Variants in MARCHF3 observed in about 807,000 individuals in gnomAD.
MARCHF3 encodes E3 ubiquitin-protein ligase MARCHF3.
Under a neutral mutation model 24.2 loss-of-function variants are expected in MARCHF3, and 13 were observed. The observed-to-expected ratio is 0.54, with a 90% CI of 0.35 to 0.85. The LOEUF is 0.85. Among genes scored for constraint, MARCHF3 ranks in the 40% least tolerant of loss-of-function variants. The pLI, the probability that MARCHF3 is intolerant of heterozygous loss-of-function variation, is 0.01. For synonymous variants in MARCHF3, 144 were observed against 137.3 expected, an observed-to-expected ratio of 1.05 and a Z score of -0.34; for missense variants, 276 against 325.0, an observed-to-expected ratio of 0.85 and a Z score of 1.16.
intron 2 of MARCHF3, 130 bp from the exon 3 acceptor site, chr5:126,915,264 G>A: frequency 1.2e-6 from 1 of 830,086 alleles, no homozygotes; most frequent in Non-Finnish European, 1.9e-6. Context: ...ATCTACACTT[G>A]ACCTTGGCAA....
At chr5:126,945,215 T>C (rs1749970073) in intron 1 of MARCHF3, among the ~76,000 whole-genome samples, 1 of 152,202 alleles carries the variant, frequency 6.6e-6, no homozygotes, top group South Asian at 2.1e-4. Context: ...TTGGCAATAG[T>C]GGGAGTATTT....
At chr5:126,909,429 C>T (rs1345562091) in intron 3 of MARCHF3, among the ~76,000 whole-genome samples, 2 of 152,222 alleles carry the variant, frequency 1.3e-5, no homozygotes, top group African/African-American at 4.8e-5. Context: ...CTCGCTGTCG[C>T]CTTGCAGTTT....
chr5:126,915,221 C>G (rs1561424417), intron 2 of MARCHF3, 87 bp from the exon 3 acceptor site: 3 of 1,324,214 alleles, frequency 2.3e-6, no homozygotes, highest in Non-Finnish European at 3.2e-6. Context: ...CCTTTGGGCC[C>G]TCCCCAGAGG....
chr5:126,939,643 T>A lies in MARCHF3; in HGVS notation c.-56-21416A>T, dbSNP rs578126666. On this transcript the variant is annotated intron_variant, in intron 1 of 4. Transcript: ENST00000308660. ...TTAAACCCTGAATCTAAGACTTGAA[T>A]AGAAAGGAAATTTAAACAGAGTCAG... 2.0e-5 allele frequency among the ~76,000 whole-genome samples: 3 copies of A among 152,248 alleles called. No individual in the cohort carries two copies. The South Asian group carries it at 6.2e-4, about 31-fold the overall frequency.
intron 1 of MARCHF3, among the ~76,000 whole-genome samples, chr5:126,970,971 T>C (rs564740832): frequency 1.3e-5 from 2 of 152,312 alleles, no homozygotes; most frequent in South Asian, 4.1e-4. Flanking sequence ...ATGAGGACTC[T>C]GCTTGTTTGG....
chr5:126,948,640 C>T (rs747326681), intron 1 of MARCHF3, among the ~76,000 whole-genome samples: 1 of 152,106 alleles, frequency 6.6e-6, no homozygotes, highest in South Asian at 2.1e-4. Context: ...GTCTTAGGGG[C>T]GTATTTCTTA....
intron 1 of MARCHF3, among the ~76,000 whole-genome samples, chr5:127,027,629 C>A (rs1404704795): frequency 6.6e-6 from 1 of 152,062 alleles, no homozygotes; most frequent in African/African-American, 2.4e-5. Flanking sequence ...GAATCAGGGC[C>A]AACCTGGAAT....
At chr5:127,005,638 T>G (rs1357980655) in intron 1 of MARCHF3, among the ~76,000 whole-genome samples, 1 of 152,060 alleles carries the variant, frequency 6.6e-6, no homozygotes, top group African/African-American at 2.4e-5. Context: ...GAGAAGTGAG[T>G]ATATATCTTT....
intron 1 of MARCHF3, among the ~76,000 whole-genome samples, chr5:126,986,399 T>A (rs1442125828): frequency 6.6e-6 from 1 of 152,224 alleles, no homozygotes; most frequent in African/African-American, 2.4e-5. Flanking sequence ...TGTAAGCAAT[T>A]TTTTGAGCAT....
chr5:126,892,157 G>A (rs1271914036), intron 3 of MARCHF3, among the ~76,000 whole-genome samples: 5 of 147,822 alleles, frequency 3.4e-5, no homozygotes, highest in African/African-American at 1.2e-4. Context: ...AGACTTTGCT[G>A]AAGTTGCTTA....
intron 1 of MARCHF3, among the ~76,000 whole-genome samples, chr5:127,005,450 G>T (rs1752279547): frequency 6.6e-6 from 1 of 152,014 alleles, no homozygotes; most frequent in African/African-American, 2.4e-5. Flanking sequence ...AGTTTTGATT[G>T]AAAGATCAGA....
At chr5:126,918,914 T>C (rs1187662414) in intron 1 of MARCHF3, among the ~76,000 whole-genome samples, 1 of 152,238 alleles carries the variant, frequency 6.6e-6, no homozygotes, top group Non-Finnish European at 1.5e-5. Context: ...GAAATGAGTT[T>C]AATGAGCTTT....
chr5:126,910,073 C>G (rs1036827260), intron 3 of MARCHF3, among the ~76,000 whole-genome samples: 4 of 152,292 alleles, frequency 2.6e-5, no homozygotes, highest in South Asian at 4.1e-4. Context: ...AATACGGAAA[C>G]TTAATCACTT....
rs55887767 is a variant in MARCHF3, at chr5:126,932,594, C to A, written c.-56-14367G>T. ...GGGTAAGTAAGACTGAGGACACATA[C>A]GAAGGCACAGTGGGAACCTAAGGAA... On this transcript the variant is annotated intron_variant, in intron 1 of 4. Coordinates refer to ENST00000308660, the MANE Select transcript of MARCHF3 (RefSeq NM_178450.5). 8.5e-3 allele frequency among the ~76,000 whole-genome samples: 1,286 copies of A among 152,166 alleles called. 20 individuals carry two copies. The highest frequency in any genetic ancestry group is 0.026 in the East Asian group (133 of 5,178).
chr5:126,871,712 CT>C (rs368757054), intron 4 of MARCHF3, among the ~76,000 whole-genome samples: 1,766 of 142,642 alleles, frequency 0.012, 15 homozygotes, highest in East Asian at 0.027. Context: ...GCCTCTCTCT[CT>C]TTTTTTTTTT....
chr5:126,931,391 G>A (rs1749475339), intron 1 of MARCHF3, among the ~76,000 whole-genome samples: 1 of 152,150 alleles, frequency 6.6e-6, no homozygotes, highest in African/African-American at 2.4e-5. Context: ...AGGTGAAAGG[G>A]AAGTGCACAC....
chr5:126,930,977 G>A (rs1749464118), intron 1 of MARCHF3, among the ~76,000 whole-genome samples: 1 of 152,240 alleles, frequency 6.6e-6, no homozygotes, highest in Non-Finnish European at 1.5e-5. Flanking sequence ...CATACTTTGA[G>A]AGGGAAGCAT....
At chr5:126,908,354 C>G (rs1754379992) in intron 3 of MARCHF3, among the ~76,000 whole-genome samples, 1 of 152,038 alleles carries the variant, frequency 6.6e-6, no homozygotes, top group Non-Finnish European at 1.5e-5. Flanking sequence ...TTTCCTGAAT[C>G]TGAATGTTGG....
chr5:126,919,812 C>T (rs1749038233), intron 1 of MARCHF3, among the ~76,000 whole-genome samples: 1 of 152,220 alleles, frequency 6.6e-6, no homozygotes, highest in African/African-American at 2.4e-5. Flanking sequence ...TCATTGGCTG[C>T]CTGGCGTCCT....
Sources: allele counts gnomAD v4.1 joint callset (sites outside exome capture counted in the v4.1 genomes callset), GRCh38; gene constraint gnomAD v4.1.1; transcripts MANE v1.5; gene names NCBI Gene and HGNC (gene_info 2026-07-23, HGNC 2026-07-21).